Variants in RAP1GAP observed in about 807,000 individuals in gnomAD.
RAP1GAP encodes rap1 GTPase-activating protein 1.
RAP1GAP carries 35 observed loss-of-function variants against 87.2 expected under a neutral mutation model. The observed-to-expected ratio is 0.40, with a 90% CI of 0.31 to 0.53. The LOEUF (loss-of-function observed/expected upper bound fraction) is 0.53. Among genes scored for constraint, RAP1GAP ranks in the 20% least tolerant of loss-of-function variants. RAP1GAP has a pLI of 0.48. For synonymous variants in RAP1GAP, 375 were observed against 363.9 expected, an observed-to-expected ratio of 1.03 and a Z score of -0.35; for missense variants, 734 against 898.9, an observed-to-expected ratio of 0.82 and a Z score of 2.35.
chr1:21,616,190 C>CACACACACACACAT (rs758719299), intron 7 of RAP1GAP, among the ~76,000 whole-genome samples: 40 of 136,562 alleles, frequency 2.9e-4, no homozygotes, highest in Admixed American at 1.2e-3. Flanking sequence ...CACACACACA[C>CACACACACACACAT]ATACAATGAC....
Position 21,606,048 on chromosome 1 carries a change from G to A in RAP1GAP, c.1428+18C>T, listed in dbSNP as rs1433850542. ...CCCCAGGGAGGGGCCGGGGCCTGGG[G>A]AGGGGGAGGGCACTCACTATTCCAG... On this transcript the variant is annotated intron_variant, in intron 18 of 24. Transcript: ENST00000374765. 2 of 1,568,606 alleles carry A rather than the reference G, an allele frequency of 1.3e-6. No homozygotes were observed. Among genetic ancestry groups the A allele is most frequent in the Admixed American group, 3.7e-5 (2 of 53,526 alleles).
intron 1 of RAP1GAP, chr1:21,653,122 G>A (rs182560296): frequency 7.2e-5 from 11 of 152,194 alleles, no homozygotes; most frequent in East Asian, 3.9e-4. Context: ...CAGGGTCTAC[G>A]GTTTGTCTCA....
At chr1:21,597,855 G>T in intron 23 of RAP1GAP, 106 bp downstream of exon 23, 2 of 1,503,424 alleles carry the variant, frequency 1.3e-6, no homozygotes, top group East Asian at 2.3e-5. Context: ...GGCCTAGCGG[G>T]GCCTAGGGGG....
intron 1 of RAP1GAP, chr1:21,651,733 C>T (rs1206530299): frequency 1.3e-5 from 19 of 1,441,632 alleles, no homozygotes; most frequent in East Asian, 2.6e-5. Context: ...CGCGTGCACA[C>T]GCACACGCGC....
At chr1:21,653,590 TCCTC>T (rs796131778) in intron 1 of RAP1GAP, among the ~76,000 whole-genome samples, 11,047 of 92,600 alleles carry the variant, frequency 0.12, 531 homozygotes, top group Middle Eastern at 0.16. Context: ...CTTCCTTCCT[TCCTC>T]CCTCCCTCCC....
Position 21,609,732 on chromosome 1 carries a change from G to GACCAAGGGGCAGTCCAGGGA in RAP1GAP, c.1000-87_1000-86insTCCCTGGACTGCCCCTTGGT. On this transcript the variant is annotated intron_variant, in intron 14 of 24. Coordinates refer to ENST00000374765, the MANE Select transcript of RAP1GAP (RefSeq NM_002885.4). The surrounding 1 kb of genome is among the most constrained non-coding windows in gnomAD (Gnocchi z 4.4). The stretch of plus-strand genomic sequence containing the variant: ...CCAGAAACCCCTACTGTGCCTCCCT[G>GACCAAGGGGCAGTCCAGGGA]GACTGCCCCTTGGTCGGGGAGACCC... The GACCAAGGGGCAGTCCAGGGA allele has an allele frequency of 9.7e-7, 1 of 1,027,354 alleles. No homozygotes were observed. The highest frequency in any genetic ancestry group is 1.4e-6 in the Non-Finnish European group (1 of 721,976). 63.6% of individuals were successfully genotyped at this position (1,027,354 alleles called of 1,614,324 possible).
chr1:21,601,106 A>C (rs943667333), intron 20 of RAP1GAP, among the ~76,000 whole-genome samples: 1 of 150,042 alleles, frequency 6.7e-6, no homozygotes, highest in Non-Finnish European at 1.5e-5. Flanking sequence ...ATCATAGCTC[A>C]CTGCAGCCTC....
rs369644872 is a variant in RAP1GAP, at chr1:21,604,843, AGATGGATGGATG to A, written c.1428+1211_1428+1222del. On this transcript the variant is annotated intron_variant, in intron 18 of 24. Coordinates refer to ENST00000374765, the MANE Select transcript of RAP1GAP (RefSeq NM_002885.4). ...TGGATGGAGATAGAGGGATGGATAGAGATGGATGGATGGATGGATGGATGGATGGATGGATGG... is the reference window on the plus strand; with the variant it reads ...TGGATGGAGATAGAGGGATGGATAGAGATGGATGGATGGATGGATGGATGG... Among the ~76,000 whole-genome samples, 183 of 121,930 alleles carry A rather than the reference AGATGGATGGATG, an allele frequency of 1.5e-3. 2 individuals carry two copies. The highest frequency in any genetic ancestry group is 3.3e-3 in the African/African-American group (103 of 31,010). 80.0% of individuals were successfully genotyped at this position (121,930 alleles called of 152,430 possible). A position where few individuals can be genotyped will look rare whatever the true frequency, so the allele number is the denominator to read the frequency against.
Position 21,602,911 on chromosome 1 carries a change from T to G in RAP1GAP, c.1431A>C (p.Ser477=), listed in dbSNP as rs1229407975. 1.2e-6 allele frequency: 2 copies of G among 1,607,990 alleles called. No homozygotes were observed. The highest frequency in any genetic ancestry group is 1.1e-5 in the South Asian group (1 of 90,860). ...NPDLAKAAGI[S]LIVPGKSPTR... ...TGGGGCTCTTCCCAGGGACAATCAG[T>G]GACTGTGGGGAGAGGCCCCAACTCA... is the stretch of plus-strand genomic sequence containing the variant. The change falls in exon 19 of 25, where the codon TCA becomes TCC. Residue 477 remains serine, a splice_region_variant and synonymous_variant. Transcript: ENST00000374765.
intron 2 of RAP1GAP, among the ~76,000 whole-genome samples, chr1:21,648,118 C>A (rs115519485): frequency 1.3e-5 from 2 of 152,170 alleles, no homozygotes; most frequent in Admixed American, 1.3e-4. Flanking sequence ...TCCAGCTAGG[C>A]GAGCACGGGC....
rs2316498 is a variant in RAP1GAP at position 21,630,172 on chromosome 1, G to T, written c.-112-3775C>A. Among the ~76,000 whole-genome samples the T allele has an allele frequency of 7.0e-3, 1,060 of 152,198 alleles. 10 individuals carry two copies. Among genetic ancestry groups the T allele is most frequent in the African/African-American group, 0.023 (961 of 41,532 alleles). On this transcript the variant is annotated intron_variant, in intron 2 of 24. Coordinates refer to ENST00000374765, the MANE Select transcript of RAP1GAP (RefSeq NM_002885.4). ...ACAGTAAATGAAAGTCTGAAGATTT[G>T]ACCTCCCCCAACATCTGGTTGCAGT...
At chr1:21,627,008 G>A in intron 2 of RAP1GAP, 1 of 456,690 alleles carries the variant, frequency 2.2e-6, no homozygotes, top group South Asian at 1.5e-5. Context: ...ATCTGCATGA[G>A]ACCTGCCTGA....
chr1:21,608,083 A>G, intron 17 of RAP1GAP, 130 bp downstream of exon 17: 1 of 1,306,554 alleles, frequency 7.7e-7, no homozygotes, highest in Non-Finnish European at 1.0e-6. Context: ...CCGGGACTCC[A>G]CCCCCTCAGC....
chr1:21,600,159 C>T (rs1014357737), intron 20 of RAP1GAP, among the ~76,000 whole-genome samples: 1 of 152,172 alleles, frequency 6.6e-6, no homozygotes, highest in African/African-American at 2.4e-5. Flanking sequence ...GGTTTTCATG[C>T]TCAGGGCCTC....
chr1:21,652,589 C>T (rs1216704615), intron 1 of RAP1GAP, among the ~76,000 whole-genome samples: 5 of 152,106 alleles, frequency 3.3e-5, no homozygotes, highest in African/African-American at 1.2e-4. Flanking sequence ...GAGACGCCCC[C>T]CTCCACTCCC....
chr1:21,635,513 A>C lies in RAP1GAP; in HGVS notation c.-112-9116T>G, dbSNP rs371293198. On this transcript the variant is annotated intron_variant, in intron 2 of 24. Coordinates refer to ENST00000374765, the MANE Select transcript of RAP1GAP (RefSeq NM_002885.4). Reference sequence around the variant, plus strand: ...CTCCCCAGTCCCAAAGCAGAGCCCCAAAGATACCTGCCTGGACTGTTCCTG... The same window carrying C: ...CTCCCCAGTCCCAAAGCAGAGCCCCCAAGATACCTGCCTGGACTGTTCCTG... 4.9e-4 allele frequency among the ~76,000 whole-genome samples: 74 copies of C among 152,280 alleles called. 1 individual carries two copies. Among genetic ancestry groups the C allele is most frequent in the African/African-American group, 1.7e-3 (70 of 41,564 alleles).
At chr1:21,645,471 C>A (rs1055970228) in intron 2 of RAP1GAP, among the ~76,000 whole-genome samples, 1 of 151,854 alleles carries the variant, frequency 6.6e-6, no homozygotes, top group African/African-American at 2.4e-5. Context: ...CAGAGTGAGA[C>A]CCTGTCTCAA....
At chr1:21,642,906 A>ACACACACACACT (rs1164354455) in intron 2 of RAP1GAP, among the ~76,000 whole-genome samples, 17 of 150,984 alleles carry the variant, frequency 1.1e-4, no homozygotes, top group African/African-American at 4.2e-4. Flanking sequence ...ACACACACAC[A>ACACACACACACT]CACACACACT....
Position 21,598,077 on chromosome 1 carries a change from G to GGGGGGGC in RAP1GAP, c.1880-14_1880-13insGCCCCCC. On this transcript the variant is annotated splice_polypyrimidine_tract_variant and intron_variant, in intron 22 of 24. Transcript: ENST00000374765. ...GATCGAGAGGGGCCTGGGGAGGGGG[G>GGGGGGGC]CAGGAGGGAGCCACCTCACTGGCCG... 7.4e-7 allele frequency: 1 copy of GGGGGGGC among 1,354,550 alleles called. No individual in the cohort carries two copies. The highest frequency in any genetic ancestry group is 1.0e-6 in the Non-Finnish European group (1 of 982,020). 83.9% of individuals were successfully genotyped at this position (1,354,550 alleles called of 1,614,324 possible). A position where few individuals can be genotyped will look rare whatever the true frequency, so the allele number is the denominator to read the frequency against.
Sources: allele counts gnomAD v4.1 joint callset (sites outside exome capture counted in the v4.1 genomes callset), GRCh38; gene constraint gnomAD v4.1.1; non-coding constraint Gnocchi (gnomAD v3.1); transcripts MANE v1.5; gene names NCBI Gene and HGNC (gene_info 2026-07-23, HGNC 2026-07-21).